The following SLC13A3 variants were observed in gnomAD, a reference collection of about 807,000 sequenced individuals.
SLC13A3 encodes the protein Na(+)/dicarboxylate cotransporter 3.
SLC13A3 carries 40 observed loss-of-function variants against 59.0 expected under a neutral mutation model. That is an observed-to-expected ratio of 0.68 (90% confidence interval 0.53 to 0.88). SLC13A3 has a LOEUF of 0.88. Ranked by LOEUF, SLC13A3 falls within the 40% of genes least tolerant of loss-of-function variation. The pLI is 0.00. For missense variants in SLC13A3, 699 were observed against 783.2 expected, an observed-to-expected ratio of 0.89 and a Z score of 1.28; for synonymous variants, 317 against 330.3, an observed-to-expected ratio of 0.96 and a Z score of 0.44.
chr20:46,638,102 C>T (rs1001772570), intron 1 of SLC13A3, among the ~76,000 whole-genome samples: 1 of 152,300 alleles, frequency 6.6e-6, no homozygotes. Flanking sequence ...GCAGGACTCC[C>T]CAGGCCTGGA....
At chr20:46,592,123 G>A (rs370527058) in intron 6 of SLC13A3, among the ~76,000 whole-genome samples, 1 of 152,272 alleles carries the variant, frequency 6.6e-6, no homozygotes, top group Non-Finnish European at 1.5e-5. Context: ...TGAGGCCAGA[G>A]GAACACTGAA....
intron 1 of SLC13A3, among the ~76,000 whole-genome samples, chr20:46,637,980 A>T (rs748433690): frequency 6.6e-6 from 1 of 152,304 alleles, no homozygotes; most frequent in Non-Finnish European, 1.5e-5. Context: ...TCAAGAAAAA[A>T]GTCAGGAGCA....
At chr20:46,576,347 C>A (rs376202915) in intron 9 of SLC13A3, among the ~76,000 whole-genome samples, 1 of 152,136 alleles carries the variant, frequency 6.6e-6, no homozygotes, top group African/African-American at 2.4e-5. Flanking sequence ...GGACCTGGCA[C>A]GTGGCTGGTA....
upstream of SLC13A3, chr20:46,651,563 G>A (rs2062952628): frequency 7.6e-7 from 1 of 1,311,172 alleles, no homozygotes; most frequent in Non-Finnish European, 9.7e-7. Flanking sequence ...GGAAAAGGGT[G>A]GTGCCTGCGC....
intron 1 of SLC13A3, among the ~76,000 whole-genome samples, chr20:46,632,912 T>G (rs796789364): frequency 0.016 from 890 of 56,318 alleles, 27 homozygotes; most frequent in East Asian, 0.072. Context: ...TAGATAGATA[T>G]ATCTATCTAT....
chr20:46,671,704 C>T (rs1388940234), upstream of SLC13A3, among the ~76,000 whole-genome samples: 1 of 152,134 alleles, frequency 6.6e-6, no homozygotes, highest in Non-Finnish European at 1.5e-5. Context: ...AAGACAAAGT[C>T]TCTGCCAGCA....
At chr20:46,569,666 G>A (rs2062013116) in intron 10 of SLC13A3, among the ~76,000 whole-genome samples, 2 of 152,340 alleles carry the variant, frequency 1.3e-5, no homozygotes, top group East Asian at 3.9e-4. Flanking sequence ...GTCACAAGAT[G>A]CCTGAAGTGA....
At chr20:46,646,155 G>GT (rs2062892261) in intron 1 of SLC13A3, among the ~76,000 whole-genome samples, 1 of 152,122 alleles carries the variant, frequency 6.6e-6, no homozygotes, top group African/African-American at 2.4e-5. Context: ...TGGACTTGCA[G>GT]TTTTTTTCTG....
intron 9 of SLC13A3, among the ~76,000 whole-genome samples, chr20:46,578,937 C>A (rs1335773429): frequency 6.6e-6 from 1 of 152,052 alleles, no homozygotes; most frequent in Admixed American, 6.5e-5. Context: ...TCATCATCAA[C>A]TACTTTTCCA....
intron 1 of SLC13A3, among the ~76,000 whole-genome samples, chr20:46,660,869 T>C (rs1293189851): frequency 1.3e-5 from 2 of 152,214 alleles, no homozygotes; most frequent in Non-Finnish European, 2.9e-5. Flanking sequence ...AGGCATTTTC[T>C]ATTACCTGTC....
intron 1 of SLC13A3, among the ~76,000 whole-genome samples, chr20:46,666,893 C>T (rs2063065484): frequency 6.6e-6 from 1 of 152,000 alleles, no homozygotes; most frequent in Admixed American, 6.6e-5. Flanking sequence ...TGTAAAGCAA[C>T]TCAAAGAAAA....
At chr20:46,591,369 C>T (rs1255927661) in intron 6 of SLC13A3, among the ~76,000 whole-genome samples, 2 of 152,192 alleles carry the variant, frequency 1.3e-5, no homozygotes, top group African/African-American at 4.8e-5. Context: ...GGGGTTCTCA[C>T]TGCATACCTC....
chr20:46,597,828 T>C (rs955076856), intron 4 of SLC13A3, among the ~76,000 whole-genome samples: 1 of 152,252 alleles, frequency 6.6e-6, no homozygotes, highest in Admixed American at 6.5e-5. Context: ...AGATGTTAAA[T>C]GCATTTATCT....
intron 1 of SLC13A3, among the ~76,000 whole-genome samples, chr20:46,659,728 A>C (rs2063017314): frequency 6.7e-6 from 1 of 148,868 alleles, no homozygotes; most frequent in South Asian, 2.2e-4. Context: ...CCCCCCAAAA[A>C]AAAAAAGAAA....
intron 2 of SLC13A3, 105 bp from the exon 3 acceptor site, chr20:46,610,714 A>G (rs1343092038): frequency 2.1e-6 from 2 of 958,256 alleles, no homozygotes; most frequent in Non-Finnish European, 3.1e-6. Context: ...CATTTTACAG[A>G]TGGAAACTTG....
chr20:46,596,416 G>A (rs2062313938), intron 4 of SLC13A3, 74 bp from the exon 5 acceptor site: 1 of 1,371,586 alleles, frequency 7.3e-7, no homozygotes, highest in Admixed American at 1.9e-5. Flanking sequence ...GAGTTGGGGA[G>A]CTAAGTGATC....
chr20:46,578,980 T>C (rs1568917006), intron 9 of SLC13A3, among the ~76,000 whole-genome samples: 1 of 152,092 alleles, frequency 6.6e-6, no homozygotes, highest in Non-Finnish European at 1.5e-5. Context: ...CAATCAATAT[T>C]TGAATGACCA....
At chr20:46,577,533 G>C (rs1214683841) in intron 9 of SLC13A3, among the ~76,000 whole-genome samples, 2 of 150,224 alleles carry the variant, frequency 1.3e-5, no homozygotes, top group African/African-American at 5.1e-5. Flanking sequence ...GGGTGGATGG[G>C]ACTGGGGAAG....
At chr20:46,568,173 C>T (rs424697) in intron 10 of SLC13A3, among the ~76,000 whole-genome samples, 1 of 151,534 alleles carries the variant, frequency 6.6e-6, no homozygotes, top group Non-Finnish European at 1.5e-5. Flanking sequence ...GTGGGCAGGT[C>T]GCTTGAGGTC....
Sources: gnomAD v4.1 joint callset for allele counts (sites outside exome capture counted in the v4.1 genomes callset) on GRCh38, gnomAD v4.1.1 for gene constraint, MANE v1.5 for transcripts, NCBI Gene and HGNC (gene_info 2026-07-23, HGNC 2026-07-21) for gene names.